AIG1: variants seen among roughly 807,000 people sequenced by gnomAD.
AIG1 encodes androgen induced 1.
A neutral mutation model predicts 31.4 loss-of-function variants in AIG1; 23 were observed. The observed-to-expected ratio is 0.73, with a 90% CI of 0.53 to 1.04. AIG1 has a LOEUF of 1.04. AIG1 is among the 50% of genes least tolerant of loss of function. The pLI is 0.00. For missense variants in AIG1, 274 were observed against 295.0 expected, an observed-to-expected ratio of 0.93 and a Z score of 0.52; for synonymous variants, 100 against 110.5, an observed-to-expected ratio of 0.90 and a Z score of 0.60.
At chr6:143,065,132 T>C (rs1158631216) in intron 1 of AIG1, among the ~76,000 whole-genome samples, 2 of 152,186 alleles carry the variant, frequency 1.3e-5, no homozygotes, top group Non-Finnish European at 2.9e-5. Context: ...GTAATGTTGG[T>C]TAATCAGTTA....
chr6:143,187,281 C>A, intron 3 of AIG1: 1 of 932,678 alleles, frequency 1.1e-6, no homozygotes, highest in Non-Finnish European at 1.7e-6. Flanking sequence ...TTGGCTTAAA[C>A]TGAGAATTTG....
intron 3 of AIG1, among the ~76,000 whole-genome samples, chr6:143,264,891 A>G (rs1055169998): frequency 2.0e-5 from 3 of 152,186 alleles, no homozygotes; most frequent in Non-Finnish European, 4.4e-5. Context: ...TATTTATGCC[A>G]CCCATGTTAA....
intron 1 of AIG1, 73 bp from the exon 2 acceptor site, chr6:143,136,762 G>A: frequency 1.6e-6 from 2 of 1,245,424 alleles, no homozygotes; most frequent in South Asian, 6.6e-5. Flanking sequence ...TTGTACACCA[G>A]CAGCTCATTT....
intron 1 of AIG1, among the ~76,000 whole-genome samples, chr6:143,118,896 CAG>C (rs775651819): frequency 8.1e-4 from 118 of 145,494 alleles, no homozygotes; most frequent in Non-Finnish European, 1.4e-3. Context: ...CTTTTTGAGA[CAG>C]GGTCTTATTC....
chr6:143,069,070 A>T (rs1235391674), intron 1 of AIG1, among the ~76,000 whole-genome samples: 2 of 150,360 alleles, frequency 1.3e-5, no homozygotes, highest in Non-Finnish European at 1.5e-5. Context: ...GTTAGAGTGC[A>T]CTGGCGTGAT....
rs529538734 is a variant in AIG1 at position 143,340,745 on chromosome 6, A to G, written c.*1069A>G. On this transcript the variant is annotated 3_prime_UTR_variant, in exon 6 of 6. Coordinates refer to ENST00000357847, the MANE Select transcript of AIG1 (RefSeq NM_016108.4). ...CCAAAGTGCTGGGATTACAGACATG[A>G]ACCACCGCGCCCAGCCACAAAATTG... Among the ~76,000 whole-genome samples the G allele has an allele frequency of 6.6e-6, 1 of 152,264 alleles. No individual in the cohort carries two copies. The highest frequency in any genetic ancestry group is 2.1e-4 in the South Asian group (1 of 4,816).
At chr6:143,247,430 T>C (rs1267480829) in intron 3 of AIG1, among the ~76,000 whole-genome samples, 5 of 152,224 alleles carry the variant, frequency 3.3e-5, no homozygotes, top group Admixed American at 2.6e-4. Flanking sequence ...GATCACATAC[T>C]TCCCATATTG....
chr6:143,149,364 A>C (rs909564245), intron 2 of AIG1, among the ~76,000 whole-genome samples: 2 of 151,550 alleles, frequency 1.3e-5, no homozygotes, highest in African/African-American at 4.8e-5. Context: ...GTCCCTACTA[A>C]AAAATACAAA....
chr6:143,178,572 G>A (rs893666298), intron 3 of AIG1, among the ~76,000 whole-genome samples: 1 of 152,140 alleles, frequency 6.6e-6, no homozygotes, highest in African/African-American at 2.4e-5. Context: ...GGTCTCTCTG[G>A]GCTCTGAGCC....
intron 1 of AIG1, among the ~76,000 whole-genome samples, chr6:143,064,042 T>C (rs1304815481): frequency 6.6e-6 from 1 of 152,178 alleles, no homozygotes; most frequent in Non-Finnish European, 1.5e-5. Context: ...TTTTGGAAAA[T>C]TGAAGTTAGT....
Position 143,299,874 on chromosome 6 carries a change from A to G in AIG1, c.515+15649A>G, listed in dbSNP as rs1289832778. Reference sequence around the variant, plus strand: ...AACCTTGAGTCTGAGATCAGATGTCACATCCTCCAGAAGCTTTCCCTGACA... The same window carrying G: ...AACCTTGAGTCTGAGATCAGATGTCGCATCCTCCAGAAGCTTTCCCTGACA... On this transcript the variant is annotated intron_variant, in intron 4 of 5. Coordinates refer to ENST00000357847, the MANE Select transcript of AIG1 (RefSeq NM_016108.4). The surrounding 1 kb of genome is among the most constrained non-coding windows in gnomAD (Gnocchi z 4.1). Among the ~76,000 whole-genome samples, 1 of 152,154 alleles carries G rather than the reference A, an allele frequency of 6.6e-6. No homozygotes were observed. The highest frequency in any genetic ancestry group is 2.4e-5 in the African/African-American group (1 of 41,440).
chr6:143,072,805 A>G (rs1316307992), intron 1 of AIG1, among the ~76,000 whole-genome samples: 1 of 152,230 alleles, frequency 6.6e-6, no homozygotes, highest in African/African-American at 2.4e-5. Flanking sequence ...TTTAGATGGT[A>G]AAAAGATTAC....
At chr6:143,175,412 G>A (rs1788049085) in intron 3 of AIG1, among the ~76,000 whole-genome samples, 1 of 152,168 alleles carries the variant, frequency 6.6e-6, no homozygotes, top group Non-Finnish European at 1.5e-5. Flanking sequence ...CAGATATTTG[G>A]ATTTCCCTTC....
rs186304304 is a variant in AIG1, at chr6:143,178,867, C to G, written c.399+13684C>G. ...TTGTTGGAGTTTGTAAGGATCACTC[C>G]GTTATGGCCCCAGAAATCACACTGG... is the stretch of plus-strand genomic sequence containing the variant. On this transcript the variant is annotated intron_variant, in intron 3 of 5. Coordinates refer to ENST00000357847, the MANE Select transcript of AIG1 (RefSeq NM_016108.4). Among the ~76,000 whole-genome samples, 20 of 152,240 alleles carry G rather than the reference C, an allele frequency of 1.3e-4. No individual in the cohort carries two copies. The East Asian group carries it at 3.9e-3, about 29-fold the overall frequency.
chr6:143,163,436 G>T (rs1465393917), intron 2 of AIG1, among the ~76,000 whole-genome samples: 1 of 152,020 alleles, frequency 6.6e-6, no homozygotes, highest in African/African-American at 2.4e-5. Context: ...CCTTTTATCT[G>T]TCCCAGTTAC....
At chr6:143,224,701 T>C (rs758265997) in intron 3 of AIG1, among the ~76,000 whole-genome samples, 1 of 152,184 alleles carries the variant, frequency 6.6e-6, no homozygotes, top group Non-Finnish European at 1.5e-5. Flanking sequence ...CCTCAATAAA[T>C]ACATGTTCCC....
At chr6:143,093,867 G>A (rs1441702043) in intron 1 of AIG1, among the ~76,000 whole-genome samples, 2 of 152,164 alleles carry the variant, frequency 1.3e-5, no homozygotes, top group Non-Finnish European at 2.9e-5. Flanking sequence ...TGTATGGATT[G>A]CACTTGCCAT....
intron 3 of AIG1, among the ~76,000 whole-genome samples, chr6:143,245,827 A>G (rs1794580561): frequency 6.6e-6 from 1 of 152,194 alleles, no homozygotes; most frequent in South Asian, 2.1e-4. Context: ...GAGGTATTTT[A>G]TGAGGCGGTA....
chr6:143,060,824 C>A (rs1055930223), upstream of AIG1: 1 of 431,370 alleles, frequency 2.3e-6, no homozygotes, highest in Non-Finnish European at 3.0e-6. Flanking sequence ...GCCCCGCGCC[C>A]GCGCCCGCGC....
Sources: gnomAD v4.1 joint callset for allele counts (sites outside exome capture counted in the v4.1 genomes callset) on GRCh38, gnomAD v4.1.1 for gene constraint, Gnocchi (gnomAD v3.1) non-coding constraint, MANE v1.5 for transcripts, NCBI Gene and HGNC (gene_info 2026-07-23, HGNC 2026-07-21) for gene names.